RNFT2: variants seen among roughly 807,000 people sequenced by gnomAD.
The protein encoded by RNFT2 is E3 ubiquitin-protein ligase RNFT2.
A neutral mutation model predicts 53.0 loss-of-function variants in RNFT2; 36 were observed. That is an observed-to-expected ratio of 0.68 (90% CI 0.52 to 0.90). The LOEUF (loss-of-function observed/expected upper bound fraction) is 0.90, where lower values mean the gene tolerates loss of function less well. Among genes scored for constraint, RNFT2 ranks in the 40% least tolerant of loss-of-function variants. The pLI is 0.00. For missense variants in RNFT2, 514 were observed against 585.6 expected (o/e 0.88, Z 1.26); for synonymous variants, 260 against 253.2 (o/e 1.03, Z -0.26).
chr12:116,777,105 A>G (rs531657234), intron 6 of RNFT2, among the ~76,000 whole-genome samples: 1 of 151,824 alleles, frequency 6.6e-6, no homozygotes, highest in African/African-American at 2.4e-5. Flanking sequence ...TTTAGTAGAG[A>G]CAGGGTTTCA....
intron 4 of RNFT2, among the ~76,000 whole-genome samples, chr12:116,750,905 TATA>T (rs1348850930): frequency 0.12 from 897 of 7,428 alleles, 37 homozygotes; most frequent in East Asian, 0.23. Context: ...TATATATATA[TATA>T]TTTTTTTTTG....
chr12:116,832,130 CAAAAAAAAA>C (rs138431200), intron 7 of RNFT2, among the ~76,000 whole-genome samples: 9 of 95,318 alleles, frequency 9.4e-5, no homozygotes, highest in African/African-American at 4.0e-4. Context: ...GACCTTGTCT[CAAAAAAAAA>C]AAAAAAAAAA....
chr12:116,826,179 T>G (rs1378599203), intron 7 of RNFT2, among the ~76,000 whole-genome samples: 1 of 152,158 alleles, frequency 6.6e-6, no homozygotes, highest in African/African-American at 2.4e-5. Context: ...TCTCCTTCAT[T>G]TCCCACCCGC....
chr12:116,836,096 C>T (rs958735759), intron 9 of RNFT2, 71 bp downstream of exon 9: 1 of 1,604,594 alleles, frequency 6.2e-7, no homozygotes, highest in African/African-American at 1.3e-5. Context: ...CGACCCCTTC[C>T]TCAGCCCACA....
At position 116,750,276 on chromosome 12, in the gene RNFT2, C is replaced by G; in HGVS notation, c.519C>G (p.Leu173=). The G allele has an allele frequency of 6.2e-7, 1 of 1,605,294 alleles. No homozygotes were observed. The highest frequency in any genetic ancestry group is 2.2e-5 in the East Asian group (1 of 44,838). Residue 173 remains leucine, a synonymous_variant, in exon 4 of 11, where the codon CTC becomes CTG. Coordinates refer to ENST00000257575, the MANE Select transcript of RNFT2 (RefSeq NM_001382266.1). ...AAGGACTCCCCTTCATCCTGATCCT[C>G]CTGGCCAAACTGTGCTTTCAGCATA... ...LQKGLPFILI[L]LAKLCFQHKL...
At position 116,786,445 on chromosome 12, in the gene RNFT2, C is replaced by T. The variant is rs554665866; in HGVS notation, c.882+7097C>T. Reference sequence around the variant, plus strand: ...TAGTTCTTACAGTCATGCAGCTGCTCGGTGGTGGGGTCAGGATGACAGCAC... The same window carrying T: ...TAGTTCTTACAGTCATGCAGCTGCTTGGTGGTGGGGTCAGGATGACAGCAC... On this transcript the variant is annotated intron_variant, in intron 7 of 10. Transcript: ENST00000257575. Among the ~76,000 whole-genome samples the T allele has an allele frequency of 1.2e-4, 19 of 152,174 alleles. No homozygotes were observed. In the South Asian group the frequency reaches 3.3e-3, roughly 27 times the overall value.
intron 7 of RNFT2, among the ~76,000 whole-genome samples, chr12:116,820,759 A>G (rs1277400173): frequency 1.3e-5 from 2 of 152,122 alleles, no homozygotes; most frequent in Non-Finnish European, 2.9e-5. Context: ...AACTTCGAAC[A>G]ACATACCCTG....
At chr12:116,838,069 C>A (rs189918393) in intron 10 of RNFT2, among the ~76,000 whole-genome samples, 109 of 152,098 alleles carry the variant, frequency 7.2e-4, no homozygotes, top group Non-Finnish European at 1.4e-3. Flanking sequence ...CTGTTTTCTG[C>A]ACCTTCCTTT....
At chr12:116,796,786 A>G (rs1464311217) in intron 7 of RNFT2, among the ~76,000 whole-genome samples, 1 of 152,068 alleles carries the variant, frequency 6.6e-6, no homozygotes, top group Non-Finnish European at 1.5e-5. Context: ...AGCCTCAGCT[A>G]TGGTTTTGGC....
At chr12:116,741,157 A>G (rs113186327) in intron 3 of RNFT2, 63 bp downstream of exon 3, 7 of 1,337,446 alleles carry the variant, frequency 5.2e-6, no homozygotes, top group African/African-American at 2.9e-5. Context: ...GGGGCAACCC[A>G]AAACTGGATT....
chr12:116,763,507 G>A (rs189456121), intron 5 of RNFT2, among the ~76,000 whole-genome samples: 3 of 152,114 alleles, frequency 2.0e-5, no homozygotes, highest in Admixed American at 1.3e-4. Flanking sequence ...AGTGGCTCAC[G>A]CCTGTAATCC....
intron 7 of RNFT2, among the ~76,000 whole-genome samples, chr12:116,800,335 A>G (rs1008428628): frequency 2.0e-5 from 3 of 151,780 alleles, no homozygotes; most frequent in Non-Finnish European, 4.4e-5. Context: ...TGTCTCTACT[A>G]AAAATACAAA....
chr12:116,749,010 C>T (rs577437026), intron 3 of RNFT2, among the ~76,000 whole-genome samples: 2 of 152,202 alleles, frequency 1.3e-5, no homozygotes, highest in East Asian at 1.9e-4. Context: ...CTATCTGACA[C>T]GTAGTAGGTT....
At position 116,740,408 on chromosome 12, in the gene RNFT2, G is replaced by A; in HGVS notation, c.-90G>A. 1.5e-6 allele frequency: 2 copies of A among 1,305,574 alleles called. No individual in the cohort carries two copies. The allele number at this position is 1,305,574 out of a possible 1,614,324, so 80.9% of individuals were successfully genotyped here. A position where few individuals can be genotyped will look rare whatever the true frequency, so the allele number is the denominator to read the frequency against. The stretch of plus-strand genomic sequence containing the variant: ...CTCTGGAGACGAAGAGGAGGGGGAG[G>A]CCTGTCCTCTCTGGGATCCATTGGT... On this transcript the variant is annotated 5_prime_UTR_variant, in exon 2 of 11. Coordinates refer to ENST00000257575, the MANE Select transcript of RNFT2 (RefSeq NM_001382266.1).
At chr12:116,749,260 G>T (rs370819208) in intron 3 of RNFT2, among the ~76,000 whole-genome samples, 1 of 143,926 alleles carries the variant, frequency 6.9e-6, no homozygotes, top group East Asian at 2.1e-4. Flanking sequence ...CTGTACCTGT[G>T]TCCTAATCTC....
chr12:116,759,270 C>T (rs1417032540), intron 5 of RNFT2, among the ~76,000 whole-genome samples: 2 of 152,162 alleles, frequency 1.3e-5, no homozygotes, highest in Non-Finnish European at 2.9e-5. Flanking sequence ...CTTCTTGTAT[C>T]ATATTTTGGA....
intron 5 of RNFT2, among the ~76,000 whole-genome samples, chr12:116,759,505 G>A (rs1872616430): frequency 6.6e-6 from 1 of 152,190 alleles, no homozygotes; most frequent in African/African-American, 2.4e-5. Context: ...CAGACGGAAG[G>A]TCTAGGGCTG....
intron 7 of RNFT2, among the ~76,000 whole-genome samples, chr12:116,808,837 T>C (rs1875214414): frequency 6.6e-6 from 1 of 152,110 alleles, no homozygotes. Flanking sequence ...CCCCGTCCTG[T>C]GCTCCCCCTG....
In RNFT2 at chr12:116,849,619, C is replaced by CCT. The variant is rs1345877214; in HGVS notation, c.*177_*178dup. ...GTCTTGTCCTTCTGACCTTCATCTT[C>CCT]CTCTCTCGTTCTGTGGTATAGTGCG... On this transcript the variant is annotated 3_prime_UTR_variant, in exon 11 of 11. Transcript: ENST00000257575. The CCT allele has an allele frequency of 7.2e-7, 1 of 1,393,450 alleles. No individual in the cohort carries two copies. Among genetic ancestry groups the CCT allele is most frequent in the Non-Finnish European group, 9.3e-7 (1 of 1,072,294 alleles). The allele number at this position is 1,393,450 out of a possible 1,614,324, so 86.3% of individuals were successfully genotyped here. A position where few individuals can be genotyped will look rare whatever the true frequency, so the allele number is the denominator to read the frequency against.
Sources: allele counts gnomAD v4.1 joint callset (sites outside exome capture counted in the v4.1 genomes callset), GRCh38; gene constraint gnomAD v4.1.1; transcripts MANE v1.5; gene names NCBI Gene and HGNC (gene_info 2026-07-23, HGNC 2026-07-21).